Variants in LPL observed in about 807,000 individuals in gnomAD.
The protein encoded by LPL is lipoprotein lipase, also known as phospholipase A1.
A neutral mutation model predicts 52.2 loss-of-function variants in LPL; 43 were observed. That is an observed-to-expected ratio of 0.82 (90% CI 0.64 to 1.06). LPL has a LOEUF of 1.06. Among genes scored for constraint, LPL ranks in the 50% least tolerant of loss-of-function variants. The pLI is 0.00. For missense variants in LPL, 639 were observed against 585.3 expected (o/e 1.09, Z -0.95); for synonymous variants, 244 against 215.6 (o/e 1.13, Z -1.15).
In LPL at chr8:19,954,248, C is replaced by G. The variant is rs1419888659; in HGVS notation, c.670C>G (p.Gln224Glu). Residue 224 changes from glutamine to glutamate, a missense_variant, in exon 5 of 10, where the codon CAG becomes GAG. Physicochemically the swap from Gln to Glu is conservative, Grantham distance 29. Coordinates refer to ENST00000650287, the MANE Select transcript of LPL (RefSeq NM_000237.3). ...RGSPGRSIGI[Q>E]KPVGHVDIYP... is the part of the protein sequence containing the mutation. ...GTCCCCTGGTCGAAGCATTGGAATC[C>G]AGAAACCAGTTGGGCATGTTGACAT... is the stretch of plus-strand genomic sequence containing the variant. 3 of 1,614,054 alleles carry G rather than the reference C, an allele frequency of 1.9e-6. No homozygotes were observed. In the Admixed American group the frequency reaches 5.0e-5, roughly 27 times the overall value.
At chr8:19,946,342 G>A (rs755143951) in intron 1 of LPL, among the ~76,000 whole-genome samples, 30 of 152,022 alleles carry the variant, frequency 2.0e-4, no homozygotes, top group Non-Finnish European at 3.7e-4. Flanking sequence ...GTGTGTGCAC[G>A]TGTGTGTGTA....
chr8:19,966,021 C>G lies in LPL; in HGVS notation c.*711C>G, dbSNP rs542281779. 4 of 152,074 alleles carry G rather than the reference C, an allele frequency of 2.6e-5. No individual in the cohort carries two copies. The South Asian group carries it at 8.3e-4, about 32-fold the overall frequency. 9.4% of individuals were successfully genotyped at this position (152,074 alleles called of 1,614,324 possible). A position where few individuals can be genotyped will look rare whatever the true frequency, so the allele number is the denominator to read the frequency against. On this transcript the variant is annotated 3_prime_UTR_variant, in exon 10 of 10. Transcript: ENST00000650287. ...TCGTTTATTGCTTAATCCCTCTCTC[C>G]CCCTTCTTTTTTGTCTCAAGATTAT...
chr8:19,961,157 G>A, intron 8 of LPL, 74 bp downstream of exon 8: 1 of 1,340,258 alleles, frequency 7.5e-7, no homozygotes, highest in Non-Finnish European at 1.1e-6. Flanking sequence ...GTATTTCAGG[G>A]GCCTTCACAA....
At chr8:19,957,367 A>G (rs1369371699) in intron 6 of LPL, among the ~76,000 whole-genome samples, 3 of 152,228 alleles carry the variant, frequency 2.0e-5, no homozygotes, top group African/African-American at 7.2e-5. Context: ...TATGGCACCC[A>G]TGTGTAAGGT....
intron 1 of LPL, among the ~76,000 whole-genome samples, chr8:19,943,236 A>G (rs2069855346): frequency 6.6e-6 from 1 of 152,186 alleles, no homozygotes; most frequent in African/African-American, 2.4e-5. Flanking sequence ...AAGTTTAGAG[A>G]AGCTTTTAAG....
Position 19,960,912 on chromosome 8 carries a change from C to T in LPL, c.1151C>T (p.Ser384Phe). The change falls in exon 8 of 10, where the codon TCC becomes TTC. Residue 384 changes from serine to phenylalanine, a missense_variant. Coordinates refer to ENST00000650287, the MANE Select transcript of LPL (RefSeq NM_000237.3). ...GCTTTTTTGTTTAGGCCTGAAGTTT[C>T]CACAAATAAGACCTACTCCTTCCTA... is the stretch of plus-strand genomic sequence containing the variant. ...ENIPFTLPEV[S>F]TNKTYSFLIY... 3 of 1,613,574 alleles carry T rather than the reference C, an allele frequency of 1.9e-6. No individual in the cohort carries two copies. Among genetic ancestry groups the T allele is most frequent in the Non-Finnish European group, 2.5e-6 (3 of 1,179,838 alleles).
Position 19,944,844 on chromosome 8 carries a change from G to A in LPL, c.89-3336G>A, listed in dbSNP as rs1009759011. ...AGGAAAGGCACAATTTATAACTTGC[G>A]TGTTACCCAAAACTCTCCCCTAAGG... On this transcript the variant is annotated intron_variant, in intron 1 of 9. Transcript: ENST00000650287. This position sits in a 1 kb window ranked among gnomAD's most constrained non-coding sequence, Gnocchi z 4.2. Among the ~76,000 whole-genome samples, 6 of 152,128 alleles carry A rather than the reference G, an allele frequency of 3.9e-5. No individual in the cohort carries two copies. Among genetic ancestry groups the A allele is most frequent in the South Asian group, 4.2e-4 (2 of 4,812 alleles).
Position 19,951,797 on chromosome 8 carries a change from C to T in LPL, c.278C>T (p.Pro93Leu). 3 of 1,614,090 alleles carry T rather than the reference C, an allele frequency of 1.9e-6. No individual in the cohort carries two copies. The highest frequency in any genetic ancestry group is 2.5e-6 in the Non-Finnish European group (3 of 1,180,024). The change falls in exon 3 of 10, where the codon CCA becomes CTA. Residue 93 changes from proline to leucine, a missense_variant. Coordinates refer to ENST00000650287, the MANE Select transcript of LPL (RefSeq NM_000237.3). ...ACAGGAATGTATGAGAGTTGGGTGC[C>T]AAAACTTGTGGCCGCCCTGTACAAG... ...TVTGMYESWV[P>L]KLVAALYKRE...
Position 19,948,269 on chromosome 8 carries a change from G to T in LPL, c.178G>T (p.Val60Leu), listed in dbSNP as rs887595131. The T allele has an allele frequency of 3.1e-6, 5 of 1,614,090 alleles. No homozygotes were observed. The South Asian group carries it at 5.5e-5, about 18-fold the overall frequency. ...GGACACTTGCCACCTCATTCCCGGA[G>T]TAGCAGAGTCCGTGGCTACCTGTCA... ...AEDTCHLIPG[V>L]AESVATCHFN... Residue 60 changes from valine (V) to leucine (L), a missense_variant, in exon 2 of 10, where the codon GTA becomes TTA. By Grantham distance (32) the Val-to-Leu change is conservative. Transcript: ENST00000650287.
At chr8:19,947,311 C>A (rs1475704381) in intron 1 of LPL, among the ~76,000 whole-genome samples, 1 of 151,958 alleles carries the variant, frequency 6.6e-6, no homozygotes, top group Non-Finnish European at 1.5e-5. Flanking sequence ...TTGAGAACAG[C>A]CTGGCCAACA....
intron 9 of LPL, among the ~76,000 whole-genome samples, chr8:19,963,767 G>T (rs1193139557): frequency 6.6e-6 from 1 of 152,124 alleles, no homozygotes; most frequent in Non-Finnish European, 1.5e-5. Flanking sequence ...GAGCATTCAG[G>T]ATAAACTCAA....
intron 8 of LPL, among the ~76,000 whole-genome samples, 179 bp downstream of exon 8, chr8:19,961,262 G>C (rs117026536): frequency 3.7e-5 from 2 of 53,770 alleles, no homozygotes; most frequent in East Asian, 3.1e-4. Flanking sequence ...TGGGGGGCAG[G>C]GGGGGGGAAG....
chr8:19,939,612 G>A lies in LPL; in HGVS notation c.88+84G>A, dbSNP rs1192390651. On this transcript the variant is annotated intron_variant, in intron 1 of 9. Coordinates refer to ENST00000650287, the MANE Select transcript of LPL (RefSeq NM_000237.3). The surrounding 1 kb of genome is among the most constrained non-coding windows in gnomAD (Gnocchi z 4.0). ...CCGAACTGAGGATGAGAAGAAGGAA[G>A]TTGGAAGGGGCGGTGGATGCGCCCA... 1.0e-5 allele frequency: 14 copies of A among 1,400,114 alleles called. No individual in the cohort carries two copies. The highest frequency in any genetic ancestry group is 1.4e-5 in the Non-Finnish European group (14 of 1,019,260). The allele number at this position is 1,400,114 out of a possible 1,614,324, so 86.7% of individuals were successfully genotyped here.
rs375834511 is a variant in LPL, at chr8:19,965,343, T to A, written c.*33T>A. On this transcript the variant is annotated 3_prime_UTR_variant, in exon 10 of 10. Coordinates refer to ENST00000650287, the MANE Select transcript of LPL (RefSeq NM_000237.3). The stretch of plus-strand genomic sequence containing the variant: ...CGAATCTACAGAACAAAGAACGGCA[T>A]GTGAATTCTGTGAAGAATGAAGTGG... 58 of 780,498 alleles carry A rather than the reference T, an allele frequency of 7.4e-5. No homozygotes were observed. The African/African-American group carries it at 9.1e-4, about 12-fold the overall frequency. The allele number at this position is 780,498 out of a possible 1,614,324, so 48.3% of individuals were successfully genotyped here. A position where few individuals can be genotyped will look rare whatever the true frequency, so the allele number is the denominator to read the frequency against.
chr8:19,953,780 G>A (rs921090887), intron 4 of LPL, among the ~76,000 whole-genome samples: 2 of 152,190 alleles, frequency 1.3e-5, no homozygotes, highest in African/African-American at 2.4e-5. Context: ...CACTTCGAAA[G>A]AAGACCGTCA....
In LPL at chr8:19,949,038, C is replaced by T. The variant is rs189208024; in HGVS notation, c.249+698C>T. On this transcript the variant is annotated intron_variant, in intron 2 of 9. Coordinates refer to ENST00000650287, the MANE Select transcript of LPL (RefSeq NM_000237.3). The stretch of plus-strand genomic sequence containing the variant: ...TTACTTTAAAAAATTGTTAAAAGTC[C>T]CCTCTCTAATATGTCACACAGTCAC... Among the ~76,000 whole-genome samples the T allele has an allele frequency of 7.2e-5, 11 of 152,114 alleles. No homozygotes were observed. The East Asian group carries it at 1.2e-3, about 16-fold the overall frequency.
chr8:19,962,833 T>C (rs1210593771), intron 9 of LPL, among the ~76,000 whole-genome samples: 1 of 152,222 alleles, frequency 6.6e-6, no homozygotes, highest in Non-Finnish European at 1.5e-5. Flanking sequence ...CTTTCCTACC[T>C]GACCTTTAGG....
Position 19,939,486 on chromosome 8 carries a change from C to G in LPL, c.46C>G (p.Gln16Glu). 6.2e-7 allele frequency: 1 copy of G among 1,610,964 alleles called. No homozygotes were observed. The highest frequency in any genetic ancestry group is 8.5e-7 in the Non-Finnish European group (1 of 1,179,170). ...CGTGCTGACTCTGGCCGTGTGGCTC[C>G]AGAGTCTGACCGCCTCCCGCGGAGG... ...LLVLTLAVWL[Q>E]SLTASRGGVA... Residue 16 changes from glutamine to glutamate, a missense_variant, in exon 1 of 10, where the codon CAG becomes GAG. Physicochemically the swap from Gln to Glu is conservative, Grantham distance 29. Transcript: ENST00000650287. The surrounding 1 kb of genome is among the most constrained non-coding windows in gnomAD (Gnocchi z 4.0).
At position 19,950,813 on chromosome 8, in the gene LPL, A is replaced by G. The variant is rs2069927042; in HGVS notation, c.250-956A>G. On this transcript the variant is annotated intron_variant, in intron 2 of 9. Transcript: ENST00000650287. This position sits in a 1 kb window ranked among gnomAD's most constrained non-coding sequence, Gnocchi z 4.2. ...AGTAAGACTCTGCCAAAAGAAAGGAAAGAAAGGAGGGAAAGAAAGGAAGGA... is the reference window on the plus strand; with the variant it reads ...AGTAAGACTCTGCCAAAAGAAAGGAGAGAAAGGAGGGAAAGAAAGGAAGGA... Among the ~76,000 whole-genome samples the G allele has an allele frequency of 1.3e-5, 2 of 151,240 alleles. No homozygotes were observed. The highest frequency in any genetic ancestry group is 4.9e-5 in the African/African-American group (2 of 41,068).
Sources: gnomAD v4.1 joint callset for allele counts (sites outside exome capture counted in the v4.1 genomes callset) on GRCh38, gnomAD v4.1.1 for gene constraint, Gnocchi (gnomAD v3.1) non-coding constraint, MANE v1.5 for transcripts, NCBI Gene and HGNC (gene_info 2026-07-23, HGNC 2026-07-21) for gene names.